AP2B1: variants seen among roughly 807,000 people sequenced by gnomAD.
The protein encoded by AP2B1 is adaptor related protein complex 2 subunit beta 1.
Under a neutral mutation model 102.0 loss-of-function variants are expected in AP2B1, and 23 were observed. The ratio of observed to expected loss-of-function variants is 0.23; its 90% CI spans 0.16 to 0.32. AP2B1 has a LOEUF of 0.32. Ranked by LOEUF, AP2B1 falls within the 10% of genes least tolerant of loss-of-function variation. The probability of loss-of-function intolerance (pLI) is 1.00; values close to 1 mark genes in which losing one functional copy is unlikely to be tolerated. For missense variants in AP2B1, 541 were observed against 1,157.4 expected, an observed-to-expected ratio of 0.47 and a Z score of 7.73; for synonymous variants, 381 against 421.2, an observed-to-expected ratio of 0.90 and a Z score of 1.17.
At chr17:35,635,726 C>T (rs75835210) in intron 9 of AP2B1, among the ~76,000 whole-genome samples, 3,670 of 152,104 alleles carry the variant, frequency 0.024, 137 homozygotes, top group East Asian at 0.19. Context: ...GACAGAATTT[C>T]GCTGTTGTTG....
chr17:35,599,704 G>A (rs1043521157), intron 3 of AP2B1, among the ~76,000 whole-genome samples: 1 of 152,094 alleles, frequency 6.6e-6, no homozygotes, highest in Non-Finnish European at 1.5e-5. Context: ...AGGAGTTCGA[G>A]ACTAGGCTAG....
chr17:35,660,965 T>C (rs1456972765), intron 14 of AP2B1, among the ~76,000 whole-genome samples: 1 of 152,224 alleles, frequency 6.6e-6, no homozygotes, highest in Non-Finnish European at 1.5e-5. Context: ...GTTTAAAATA[T>C]GGCCATAGTT....
intron 4 of AP2B1, among the ~76,000 whole-genome samples, chr17:35,606,851 T>C (rs191673262): frequency 6.6e-6 from 1 of 152,266 alleles, no homozygotes; most frequent in East Asian, 1.9e-4. Flanking sequence ...GAATATCCAG[T>C]CAAATCTTTC....
intron 1 of AP2B1, among the ~76,000 whole-genome samples, chr17:35,591,560 A>C (rs2073102130): frequency 6.6e-6 from 1 of 152,224 alleles, no homozygotes; most frequent in Non-Finnish European, 1.5e-5. Context: ...AAAATCTTAA[A>C]CAAGTTTTAA....
At chr17:35,624,961 G>A (rs960853017) in intron 6 of AP2B1, among the ~76,000 whole-genome samples, 3 of 152,146 alleles carry the variant, frequency 2.0e-5, no homozygotes, top group Non-Finnish European at 4.4e-5. Context: ...GAGCTGACCT[G>A]TATATATAAT....
intron 9 of AP2B1, among the ~76,000 whole-genome samples, chr17:35,628,168 A>G (rs543798607): frequency 7.9e-5 from 12 of 152,382 alleles, no homozygotes; most frequent in African/African-American, 9.6e-5. Context: ...GGTTTAAAGT[A>G]TACAAGAGAA....
At position 35,641,925 on chromosome 17, in the gene AP2B1, C is replaced by T. The variant is rs768536257; in HGVS notation, c.1486C>T (p.Pro496Ser). The change falls in exon 12 of 22, where the codon CCA becomes TCA. Residue 496 changes from proline (P) to serine (S), a missense_variant. This residue lies in a region of AP2B1 where 106 missense variants were observed against 296.4 expected (regional missense o/e 0.36). Transcript: ENST00000610402. Reference protein sequence around the residue: ...TAIVKLFLKKPSETQELVQQV... With the variant: ...TAIVKLFLKKSSETQELVQQV... Reference sequence around the variant, plus strand: ...CATAGTGAAGCTGTTTCTCAAGAAACCATCAGAAACACAGGAGCTAGTCCA... The same window carrying T: ...CATAGTGAAGCTGTTTCTCAAGAAATCATCAGAAACACAGGAGCTAGTCCA... The T allele has an allele frequency of 6.2e-7, 1 of 1,612,456 alleles. No homozygotes were observed. The highest frequency in any genetic ancestry group is 1.3e-5 in the African/African-American group (1 of 74,916).
At chr17:35,635,509 G>A (rs1239911777) in intron 9 of AP2B1, among the ~76,000 whole-genome samples, 1 of 151,846 alleles carries the variant, frequency 6.6e-6, no homozygotes, top group Non-Finnish European at 1.5e-5. Context: ...TCAGCCTCCG[G>A]AGTAGCTGGG....
At chr17:35,714,587 T>C (rs2076514765) in intron 20 of AP2B1, among the ~76,000 whole-genome samples, 3 of 152,106 alleles carry the variant, frequency 2.0e-5, no homozygotes, top group Non-Finnish European at 2.9e-5. Context: ...GGCTCACACC[T>C]GTAATCCCAC....
chr17:35,634,679 A>G (rs1020445460), intron 9 of AP2B1, among the ~76,000 whole-genome samples: 3 of 152,228 alleles, frequency 2.0e-5, no homozygotes, highest in Admixed American at 6.5e-5. Flanking sequence ...CATAGCCCCA[A>G]TATTGGTAAA....
At chr17:35,671,731 T>C in intron 15 of AP2B1, 23 bp from the exon 16 acceptor site, 1 of 1,611,390 alleles carries the variant, frequency 6.2e-7, no homozygotes, top group Non-Finnish European at 8.5e-7. Context: ...ATCTCCCCTC[T>C]CCCTTTTTTT....
rs370845652 is a variant in AP2B1 at position 35,697,548 on chromosome 17, G to A, written c.2455-11676G>A. On this transcript the variant is annotated intron_variant, in intron 18 of 21. Coordinates refer to ENST00000610402, the MANE Select transcript of AP2B1 (RefSeq NM_001030006.2). ...GTGTTTTGGAGCCTCAGGGAAAACC[G>A]AAATCATTTAGATGCCCGACAGGAA... is the stretch of plus-strand genomic sequence containing the variant. Among the ~76,000 whole-genome samples the A allele has an allele frequency of 3.3e-5, 5 of 152,274 alleles. No homozygotes were observed. The East Asian group carries it at 5.8e-4, about 18-fold the overall frequency.
intron 5 of AP2B1, among the ~76,000 whole-genome samples, chr17:35,611,056 C>A (rs1235172344): frequency 1.3e-5 from 2 of 152,002 alleles, no homozygotes; most frequent in Admixed American, 6.6e-5. Context: ...GCCTGAGTGA[C>A]AAAGACAGAC....
At chr17:35,645,829 A>G (rs779069349) in intron 12 of AP2B1, among the ~76,000 whole-genome samples, 4 of 152,228 alleles carry the variant, frequency 2.6e-5, no homozygotes, top group South Asian at 2.1e-4. Flanking sequence ...AGCCTGGGCA[A>G]GAAGACCTAG....
chr17:35,645,705 C>T (rs2074913041), intron 12 of AP2B1, among the ~76,000 whole-genome samples: 1 of 152,064 alleles, frequency 6.6e-6, no homozygotes. Flanking sequence ...TAAAATTAGC[C>T]GAGCGTGGTG....
chr17:35,619,152 C>G (rs1216219127), intron 5 of AP2B1, among the ~76,000 whole-genome samples: 1 of 152,124 alleles, frequency 6.6e-6, no homozygotes, highest in African/African-American at 2.4e-5. Context: ...CTGTGTTGAC[C>G]CTAAGCAAGT....
rs587624161 is a variant in AP2B1 at position 35,718,642 on chromosome 17, G to A, written c.2781+1293G>A. ...GCAGGAGGATCACTTGAGCCCATGAGTTCAAGACCAGCCTGGGTAACATAG... is the reference window on the plus strand; with the variant it reads ...GCAGGAGGATCACTTGAGCCCATGAATTCAAGACCAGCCTGGGTAACATAG... On this transcript the variant is annotated intron_variant, in intron 21 of 21. Transcript: ENST00000610402. 1.2e-4 allele frequency among the ~76,000 whole-genome samples: 18 copies of A among 151,260 alleles called. No homozygotes were observed. In the South Asian group the frequency reaches 1.7e-3, roughly 14 times the overall value.
intron 12 of AP2B1, 70 bp from the exon 13 acceptor site, chr17:35,650,460 A>G: frequency 6.5e-7 from 1 of 1,549,908 alleles, no homozygotes; most frequent in East Asian, 2.2e-5. Flanking sequence ...TTGATGATAA[A>G]TCCAGCAGTT....
intron 5 of AP2B1, among the ~76,000 whole-genome samples, chr17:35,616,108 ATAT>A (rs1407845686): frequency 2.7e-5 from 3 of 109,922 alleles, no homozygotes; most frequent in Non-Finnish European, 6.1e-5. Flanking sequence ...ACGTCGTTTT[ATAT>A]TATTATGAAC....
Sources: gnomAD v4.1 joint callset for allele counts (sites outside exome capture counted in the v4.1 genomes callset) on GRCh38, gnomAD v4.1.1 for gene constraint, gnomAD v4.1.1 regional missense constraint, MANE v1.5 for transcripts, NCBI Gene and HGNC (gene_info 2026-07-23, HGNC 2026-07-21) for gene names.